Variants in CYB5B observed in about 807,000 individuals in gnomAD.
The protein encoded by CYB5B is cytochrome b5 type B, also known as cytochrome b5 type B (outer mitochondrial membrane).
In CYB5B, 14 loss-of-function variants were observed where a neutral mutation model predicts 21.3. The ratio of observed to expected loss-of-function variants is 0.66; its 90% confidence interval spans 0.43 to 1.03. The LOEUF (loss-of-function observed/expected upper bound fraction) is 1.03, where lower values mean the gene tolerates loss of function less well. CYB5B is among the 50% of genes least tolerant of loss of function. CYB5B has a pLI of 0.00. For missense variants in CYB5B, 166 were observed against 185.1 expected (o/e 0.90, Z 0.60); for synonymous variants, 69 against 68.4 (o/e 1.01, Z -0.04).
intron 3 of CYB5B, among the ~76,000 whole-genome samples, chr16:69,455,986 G>A (rs186833450): frequency 1.4e-4 from 22 of 152,192 alleles, no homozygotes; most frequent in Admixed American, 4.6e-4. Flanking sequence ...TGAGCTTTTC[G>A]TTTTACAAAC....
chr16:69,438,311 A>G (rs754017492), intron 1 of CYB5B, among the ~76,000 whole-genome samples: 7 of 152,206 alleles, frequency 4.6e-5, no homozygotes, highest in Non-Finnish European at 8.8e-5. Flanking sequence ...GTTTATAGGC[A>G]TGGGTTGTCT....
At chr16:69,437,920 T>C (rs2014777683) in intron 1 of CYB5B, among the ~76,000 whole-genome samples, 1 of 152,190 alleles carries the variant, frequency 6.6e-6, no homozygotes, top group South Asian at 2.1e-4. Flanking sequence ...TTTTGTTTTA[T>C]TTTTATTTAC....
At position 69,448,136 on chromosome 16, in the gene CYB5B, G is replaced by A. The variant is rs777015749; in HGVS notation, c.325G>A (p.Gly109Ser). The A allele has an allele frequency of 4.3e-6, 7 of 1,612,804 alleles. No homozygotes were observed. Among genetic ancestry groups the A allele is most frequent in the Non-Finnish European group, 5.9e-6 (7 of 1,179,730 alleles). The change falls in exon 3 of 5, where the codon GGT becomes AGT. Residue 109 changes from glycine (G) to serine (S), a missense_variant. Coordinates refer to ENST00000307892, the MANE Select transcript of CYB5B (RefSeq NM_030579.3). ...ACAGAGTGACCTTAAACCTGAAAGTGGTAGCAAGGTAAGAAGTCAGCGGTT... is the reference window on the plus strand; with the variant it reads ...ACAGAGTGACCTTAAACCTGAAAGTAGTAGCAAGGTAAGAAGTCAGCGGTT... ...IHPSDLKPESGSKDPSKNDTC... is the reference protein window; with the variant it reads ...IHPSDLKPESSSKDPSKNDTC...
chr16:69,463,331 T>G lies in CYB5B; in HGVS notation c.*811T>G, dbSNP rs989392298. 1 of 151,928 alleles carries G rather than the reference T, an allele frequency of 6.6e-6. No homozygotes were observed. Among genetic ancestry groups the G allele is most frequent in the African/African-American group, 2.4e-5 (1 of 41,364 alleles). 9.4% of individuals were successfully genotyped at this position (151,928 alleles called of 1,614,324 possible). ...AAAACTACATGGCCCTTTCGTGTCT[T>G]GGGGGTGGAAAGGTAGGGATGAATT... On this transcript the variant is annotated 3_prime_UTR_variant, in exon 5 of 5. Coordinates refer to ENST00000307892, the MANE Select transcript of CYB5B (RefSeq NM_030579.3).
intron 1 of CYB5B, among the ~76,000 whole-genome samples, chr16:69,434,459 T>C (rs7201161): frequency 0.17 from 26,303 of 152,246 alleles, 2,388 homozygotes; most frequent in Middle Eastern, 0.25. Context: ...CAGAGCATTT[T>C]CCAAAGTGTT....
intron 4 of CYB5B, among the ~76,000 whole-genome samples, chr16:69,461,198 G>C (rs1241330256): frequency 7.3e-6 from 1 of 137,858 alleles, no homozygotes; most frequent in Non-Finnish European, 1.6e-5. Context: ...ATGAGACTCC[G>C]TCTCAAAAAA....
At chr16:69,442,827 T>C (rs2014838487) in intron 1 of CYB5B, among the ~76,000 whole-genome samples, 1 of 59,198 alleles carries the variant, frequency 1.7e-5, no homozygotes, top group African/African-American at 1.1e-4. Flanking sequence ...TAGCTATCCT[T>C]TTTTTTTTTT....
In CYB5B at chr16:69,462,728, TC is replaced by T. The variant is rs1465058518; in HGVS notation, c.*210del. On this transcript the variant is annotated 3_prime_UTR_variant, in exon 5 of 5. Coordinates refer to ENST00000307892, the MANE Select transcript of CYB5B (RefSeq NM_030579.3). ...TACTCCCAAAGTACCTGCTCACTGT[TC>T]CGTGTTGAACAATTGCCGGTGTTTC... 3.7e-6 allele frequency: 2 copies of T among 537,834 alleles called. No individual in the cohort carries two copies. The highest frequency in any genetic ancestry group is 3.8e-5 in the African/African-American group (2 of 52,606). The allele number at this position is 537,834 out of a possible 1,614,324, so 33.3% of individuals were successfully genotyped here.
At chr16:69,447,103 T>A in intron 1 of CYB5B, 47 bp from the exon 2 acceptor site, 1 of 1,592,088 alleles carries the variant, frequency 6.3e-7, no homozygotes, top group Non-Finnish European at 8.6e-7. Flanking sequence ...ACTTGTTGGT[T>A]TGCTTTTCAG....
In CYB5B at chr16:69,459,128, A is replaced by G; in HGVS notation, c.362+7A>G. 1.2e-6 allele frequency: 2 copies of G among 1,604,382 alleles called. No homozygotes were observed. The highest frequency in any genetic ancestry group is 1.7e-6 in the Non-Finnish European group (2 of 1,177,206). On this transcript the variant is annotated splice_region_variant and intron_variant, in intron 4 of 4. Transcript: ENST00000307892. ...AAAATGATACATGCAAAAGGTTAGT[A>G]TCTCCTTAACAGCTTTCCATACGTT...
chr16:69,426,398 C>CA (rs72024712), intron 1 of CYB5B, among the ~76,000 whole-genome samples: 1,786 of 80,454 alleles, frequency 0.022, 14 homozygotes, highest in Middle Eastern at 0.041. Context: ...GATTCCATCT[C>CA]AAAAAAAAAA....
intron 3 of CYB5B, among the ~76,000 whole-genome samples, chr16:69,452,411 T>C (rs2014944137): frequency 6.6e-6 from 1 of 151,942 alleles, no homozygotes; most frequent in Admixed American, 6.6e-5. Context: ...CTGCACACTG[T>C]GGCTCACGAC....
chr16:69,444,127 T>C, intron 1 of CYB5B: 1 of 155,060 alleles, frequency 6.4e-6, no homozygotes, highest in Non-Finnish European at 1.5e-5. Context: ...AAGGCTCTGC[T>C]TCAAATTAGG....
intron 3 of CYB5B, among the ~76,000 whole-genome samples, chr16:69,457,255 C>T (rs1183503121): frequency 6.6e-6 from 1 of 152,052 alleles, no homozygotes; most frequent in Non-Finnish European, 1.5e-5. Flanking sequence ...AGATCCAGGG[C>T]TTTTGATTGT....
intron 1 of CYB5B, among the ~76,000 whole-genome samples, chr16:69,435,227 A>G (rs190328330): frequency 9.2e-5 from 14 of 152,338 alleles, no homozygotes; most frequent in Non-Finnish European, 1.9e-4. Flanking sequence ...TGTGGTTGTG[A>G]CAAGTAATTT....
intron 1 of CYB5B, among the ~76,000 whole-genome samples, chr16:69,432,612 C>T (rs1487566082): frequency 1.3e-5 from 2 of 152,086 alleles, no homozygotes; most frequent in South Asian, 2.1e-4. Flanking sequence ...GATTTGCCCT[C>T]GTAGTCGTCA....
chr16:69,443,390 C>T (rs2014845073), intron 1 of CYB5B: 1 of 176,488 alleles, frequency 5.7e-6, no homozygotes, highest in African/African-American at 2.4e-5. Flanking sequence ...CATGGCTGCT[C>T]TGGTCATCTG....
intron 1 of CYB5B, among the ~76,000 whole-genome samples, chr16:69,425,697 A>G (rs1203781813): frequency 6.6e-6 from 1 of 152,200 alleles, no homozygotes; most frequent in East Asian, 1.9e-4. Flanking sequence ...CCATCATTCT[A>G]AAAAGCTTCC....
chr16:69,440,042 T>C (rs777931597), intron 1 of CYB5B, among the ~76,000 whole-genome samples: 3 of 152,056 alleles, frequency 2.0e-5, no homozygotes, highest in Non-Finnish European at 4.4e-5. Context: ...CCAATTTTTT[T>C]AGTTTGTTTT....
Sources: allele counts gnomAD v4.1 joint callset (sites outside exome capture counted in the v4.1 genomes callset), GRCh38; gene constraint gnomAD v4.1.1; transcripts MANE v1.5; gene names NCBI Gene and HGNC (gene_info 2026-07-23, HGNC 2026-07-21).